Variants in SNTG1 observed in about 807,000 individuals in gnomAD.
The protein encoded by SNTG1 is syntrophin gamma 1.
In SNTG1, 39 loss-of-function variants were observed where a neutral mutation model predicts 74.7. The ratio of observed to expected loss-of-function variants is 0.52; its 90% CI spans 0.40 to 0.68. SNTG1 has a LOEUF of 0.68. Ranked by LOEUF, SNTG1 falls within the 30% of genes least tolerant of loss-of-function variation. The probability of loss-of-function intolerance (pLI) is 0.00; values close to 1 mark genes in which losing one functional copy is unlikely to be tolerated. For missense variants in SNTG1, 685 were observed against 609.5 expected (o/e 1.12, Z -1.30); for synonymous variants, 254 against 217.1 (o/e 1.17, Z -1.49).
At chr8:50,201,523 T>C (rs2083986054) in intron 2 of SNTG1, among the ~76,000 whole-genome samples, 1 of 152,138 alleles carries the variant, frequency 6.6e-6, no homozygotes, top group African/African-American at 2.4e-5. Flanking sequence ...ATTTTACTTT[T>C]ATGGAGCACT....
At chr8:50,182,054 C>T (rs1025382150) in intron 2 of SNTG1, among the ~76,000 whole-genome samples, 3 of 152,098 alleles carry the variant, frequency 2.0e-5, no homozygotes, top group East Asian at 1.9e-4. Context: ...AATGTATGAA[C>T]TCAATGGAGC....
At chr8:50,499,312 G>T (rs1203204068) in intron 8 of SNTG1, among the ~76,000 whole-genome samples, 1 of 151,308 alleles carries the variant, frequency 6.6e-6, no homozygotes, top group Non-Finnish European at 1.5e-5. Flanking sequence ...TGATTTTATA[G>T]TTTTTTTAAA....
chr8:50,492,343 T>A (rs2093864598), intron 8 of SNTG1, among the ~76,000 whole-genome samples: 1 of 152,162 alleles, frequency 6.6e-6, no homozygotes, highest in South Asian at 2.1e-4. Flanking sequence ...CTAATTTACC[T>A]TCCCACCAAC....
chr8:50,377,982 T>C (rs549053145), intron 2 of SNTG1, among the ~76,000 whole-genome samples: 1 of 152,364 alleles, frequency 6.6e-6, no homozygotes, highest in Non-Finnish European at 1.5e-5. Context: ...CCTCTGTGGC[T>C]GGTGGCACCT....
At chr8:50,557,235 A>G (rs1171431547) in intron 12 of SNTG1, among the ~76,000 whole-genome samples, 1 of 151,918 alleles carries the variant, frequency 6.6e-6, no homozygotes, top group African/African-American at 2.4e-5. Context: ...AAAAAAAAAA[A>G]AAACAGGATG....
Position 49,911,614 on chromosome 8 carries a change from A to C in SNTG1, c.-720A>C, listed in dbSNP as rs1805590247. On this transcript the variant is annotated 5_prime_UTR_variant, in exon 1 of 19. Transcript: ENST00000642720. ...CCGGAGGGGAGAAGGCTAGGGCGGA[A>C]GACAAGGAAGCTGCTGCTTGGATTC... 6.6e-6 allele frequency: 1 copy of C among 151,482 alleles called. No individual in the cohort carries two copies. The highest frequency in any genetic ancestry group is 6.6e-5 in the Admixed American group (1 of 15,204). 9.4% of individuals were successfully genotyped at this position (151,482 alleles called of 1,614,324 possible).
intron 12 of SNTG1, among the ~76,000 whole-genome samples, chr8:50,559,090 G>C (rs1288405398): frequency 6.6e-6 from 1 of 152,118 alleles, no homozygotes. Flanking sequence ...GCAAAGTAAG[G>C]GGTGCTATTT....
chr8:50,588,605 T>C (rs2094670062), intron 12 of SNTG1, among the ~76,000 whole-genome samples: 1 of 152,200 alleles, frequency 6.6e-6, no homozygotes, highest in Non-Finnish European at 1.5e-5. Context: ...GCCAAATAAA[T>C]CTATTAATAC....
intron 2 of SNTG1, among the ~76,000 whole-genome samples, chr8:50,389,506 G>A (rs965092521): frequency 2.0e-5 from 3 of 152,054 alleles, no homozygotes; most frequent in Admixed American, 6.6e-5. Flanking sequence ...GGCTTGGTTC[G>A]AAGTCTTTGC....
chr8:50,105,193 A>C (rs576979833), intron 1 of SNTG1, among the ~76,000 whole-genome samples: 1 of 152,040 alleles, frequency 6.6e-6, no homozygotes, highest in East Asian at 1.9e-4. Context: ...GTCCCTCTTG[A>C]GTTGATTTAT....
At chr8:50,500,287 T>C (rs2093940373) in intron 8 of SNTG1, among the ~76,000 whole-genome samples, 1 of 151,868 alleles carries the variant, frequency 6.6e-6, no homozygotes, top group African/African-American at 2.4e-5. Flanking sequence ...TCTATTATTC[T>C]GTCCTCATCT....
At position 50,795,238 on chromosome 8, in the gene SNTG1, T is replaced by C. The variant is rs1184687974; in HGVS notation, c.*2409T>C. ...TATTGATAAAAAACATAAGCCGTGATTTTTATTTAACATGATTAGTACAAC... is the reference window on the plus strand; with the variant it reads ...TATTGATAAAAAACATAAGCCGTGACTTTTATTTAACATGATTAGTACAAC... On this transcript the variant is annotated 3_prime_UTR_variant, in exon 19 of 19. Coordinates refer to ENST00000642720, the MANE Select transcript of SNTG1 (RefSeq NM_018967.5). 1 of 152,000 alleles carries C rather than the reference T, an allele frequency of 6.6e-6. No homozygotes were observed. The highest frequency in any genetic ancestry group is 1.5e-5 in the Non-Finnish European group (1 of 67,954). 9.4% of individuals were successfully genotyped at this position (152,000 alleles called of 1,614,324 possible). A position where few individuals can be genotyped will look rare whatever the true frequency, so the allele number is the denominator to read the frequency against.
At chr8:50,376,150 G>C (rs1363037518) in intron 2 of SNTG1, among the ~76,000 whole-genome samples, 6 of 152,272 alleles carry the variant, frequency 3.9e-5, no homozygotes, top group African/African-American at 9.6e-5. Flanking sequence ...GAGCTTTCCT[G>C]CGTCTGCTGC....
At position 50,726,114 on chromosome 8, in the gene SNTG1, G is replaced by A. The variant is rs2095499425; in HGVS notation, c.1284+17136G>A. Among the ~76,000 whole-genome samples, 4 of 152,090 alleles carry A rather than the reference G, an allele frequency of 2.6e-5. No homozygotes were observed. The South Asian group carries it at 8.3e-4, about 32-fold the overall frequency. The stretch of plus-strand genomic sequence containing the variant: ...TGTGTACAAATATAATTTCCATTTG[G>A]AGAGCTAACTTCCTAAACCCACATT... On this transcript the variant is annotated intron_variant, in intron 17 of 18. Coordinates refer to ENST00000642720, the MANE Select transcript of SNTG1 (RefSeq NM_018967.5).
chr8:50,046,958 A>G (rs1366620761), intron 1 of SNTG1, among the ~76,000 whole-genome samples: 1 of 152,206 alleles, frequency 6.6e-6, no homozygotes, highest in Non-Finnish European at 1.5e-5. Flanking sequence ...GATATTTAAA[A>G]TGTCATTTAT....
intron 1 of SNTG1, among the ~76,000 whole-genome samples, chr8:49,938,919 T>C (rs746519417): frequency 2.0e-5 from 3 of 152,018 alleles, no homozygotes; most frequent in Non-Finnish European, 4.4e-5. Flanking sequence ...TATGTGTAAG[T>C]GTTTCATAGT....
intron 4 of SNTG1, among the ~76,000 whole-genome samples, chr8:50,421,055 G>GA (rs1393688851): frequency 8.1e-6 from 1 of 122,886 alleles, no homozygotes; most frequent in East Asian, 2.9e-4. Flanking sequence ...GCGGGGGAGG[G>GA]GGGGGCGAAG....
chr8:50,606,063 T>C (rs1054721473), intron 13 of SNTG1, among the ~76,000 whole-genome samples: 1 of 152,288 alleles, frequency 6.6e-6, no homozygotes, highest in Non-Finnish European at 1.5e-5. Context: ...GTGTTCATCA[T>C]AGCTATTAGC....
intron 14 of SNTG1, among the ~76,000 whole-genome samples, chr8:50,658,064 T>C (rs1352995537): frequency 6.6e-6 from 1 of 152,188 alleles, no homozygotes; most frequent in Non-Finnish European, 1.5e-5. Flanking sequence ...TTTTACTCTA[T>C]TCCTACTCTG....
Sources: gnomAD v4.1 joint callset for allele counts (sites outside exome capture counted in the v4.1 genomes callset) on GRCh38, gnomAD v4.1.1 for gene constraint, MANE v1.5 for transcripts, NCBI Gene and HGNC (gene_info 2026-07-23, HGNC 2026-07-21) for gene names.